The following RHOBTB2 variants were observed in gnomAD, a reference collection of about 807,000 sequenced individuals.
The protein encoded by RHOBTB2 is Rho related BTB domain containing 2.
Under a neutral mutation model 66.5 loss-of-function variants are expected in RHOBTB2, and 39 were observed. The ratio of observed to expected loss-of-function variants is 0.59; its 90% CI spans 0.45 to 0.77. The LOEUF is 0.77. Ranked by LOEUF, RHOBTB2 falls within the 30% of genes least tolerant of loss-of-function variation. The probability of loss-of-function intolerance (pLI) is 0.00; values close to 1 mark genes in which losing one functional copy is unlikely to be tolerated. For synonymous variants in RHOBTB2, 390 were observed against 395.0 expected (o/e 0.99, Z 0.15); for missense variants, 755 against 999.1 (o/e 0.76, Z 3.29).
chr8:22,970,618 A>T, the RHOBTB2 span, among the ~76,000 whole-genome samples: 11 of 144,682 alleles, frequency 7.6e-5, no homozygotes, highest in South Asian at 2.2e-4. Context: ...AAAAAAAAAA[A>T]TTTGATTTAT....
At chr8:22,994,474 C>T in intron 2 of RHOBTB2, 1 of 789,446 alleles carries the variant, frequency 1.3e-6, no homozygotes, top group Non-Finnish European at 2.1e-6. Flanking sequence ...GGCTGAGCGA[C>T]CTTGGAGTAA....
chr8:22,963,271 A>T, the RHOBTB2 span, among the ~76,000 whole-genome samples: 1 of 152,256 alleles, frequency 6.6e-6, no homozygotes, highest in Non-Finnish European at 1.5e-5. Flanking sequence ...ACATCAATAC[A>T]AAAGCAGCTA....
chr8:23,005,570 G>A, intron 3 of RHOBTB2, 95 bp downstream of exon 3: 1 of 880,602 alleles, frequency 1.1e-6, no homozygotes, highest in East Asian at 2.6e-5. Flanking sequence ...ATTTCAGCTG[G>A]CAAGAAGAAG....
chr8:22,989,435 T>C (rs945597718), intron 1 of RHOBTB2, among the ~76,000 whole-genome samples: 2 of 152,232 alleles, frequency 1.3e-5, no homozygotes, highest in Non-Finnish European at 2.9e-5. Context: ...GCATAAGCCA[T>C]GCATCTGGCC....
At chr8:22,964,978 G>T in the RHOBTB2 span, among the ~76,000 whole-genome samples, 2 of 151,824 alleles carry the variant, frequency 1.3e-5, no homozygotes, top group African/African-American at 4.8e-5. Context: ...CACCACGCCA[G>T]GCTAATTTTT....
At chr8:22,976,723 T>A in the RHOBTB2 span, among the ~76,000 whole-genome samples, 6 of 152,042 alleles carry the variant, frequency 3.9e-5, no homozygotes, top group African/African-American at 1.4e-4. Flanking sequence ...CCTCCCTAGT[T>A]CAAGTGATTC....
At chr8:22,994,397 G>GT (rs774174799) in intron 2 of RHOBTB2, among the ~76,000 whole-genome samples, 35 of 152,172 alleles carry the variant, frequency 2.3e-4, no homozygotes, top group Admixed American at 5.2e-4. Flanking sequence ...CCAGGCTGGG[G>GT]TCTCACCCCG....
In RHOBTB2 at chr8:23,008,022, A is replaced by G. The variant is rs984940174; in HGVS notation, c.1531A>G (p.Ile511Val). 1.2e-6 allele frequency: 2 copies of G among 1,613,946 alleles called. No homozygotes were observed. Among genetic ancestry groups the G allele is most frequent in the South Asian group, 2.2e-5 (2 of 91,078 alleles). ...GACCTTCATCCTGGATGATGGCACC[A>G]TCAGCGCCCACAAGCCCCTGTTGAT... Reference protein sequence around the residue: ...DVTFILDDGTISAHKPLLISS... With the variant: ...DVTFILDDGTVSAHKPLLISS... The change falls in exon 6 of 10, where the codon ATC becomes GTC. Residue 511 changes from isoleucine to valine, a missense_variant. Around this residue, in one of 7 missense-constraint regions of RHOBTB2, gnomAD observed 353 missense variants for 458.2 expected, o/e 0.77. Coordinates refer to ENST00000251822, the MANE Select transcript of RHOBTB2 (RefSeq NM_015178.3).
At chr8:22,965,441 A>G in the RHOBTB2 span, among the ~76,000 whole-genome samples, 1 of 152,212 alleles carries the variant, frequency 6.6e-6, no homozygotes, top group Non-Finnish European at 1.5e-5. Context: ...TGTAAAATTC[A>G]TATAGAATCT....
chr8:23,007,869 G>C, intron 5 of RHOBTB2, 123 bp downstream of exon 5: 7 of 1,497,438 alleles, frequency 4.7e-6, no homozygotes, highest in Non-Finnish European at 6.4e-6. Context: ...GTTTTCCCCA[G>C]CTGGGAGCGG....
chr8:22,998,508 C>T (rs987489843), upstream of RHOBTB2, among the ~76,000 whole-genome samples: 7 of 152,076 alleles, frequency 4.6e-5, no homozygotes, highest in African/African-American at 1.7e-4. Context: ...CCAAGGCAGG[C>T]AGATCACCCG....
chr8:23,012,129 A>G (rs1301630805), intron 7 of RHOBTB2, among the ~76,000 whole-genome samples: 3 of 152,208 alleles, frequency 2.0e-5, no homozygotes, highest in Non-Finnish European at 4.4e-5. Context: ...AAATGGTGTG[A>G]TCTTCCCAGA....
chr8:23,013,768 G>A (rs941489112), intron 7 of RHOBTB2, among the ~76,000 whole-genome samples: 1 of 152,136 alleles, frequency 6.6e-6, no homozygotes, highest in African/African-American at 2.4e-5. Context: ...AGTGCTGGGA[G>A]TATAGGCGTG....
At chr8:22,991,266 C>G (rs1810418575) in intron 1 of RHOBTB2, among the ~76,000 whole-genome samples, 2 of 152,184 alleles carry the variant, frequency 1.3e-5, no homozygotes, top group Admixed American at 6.5e-5. Flanking sequence ...AGGGCCCATC[C>G]AGCCTTGTAT....
upstream of RHOBTB2, among the ~76,000 whole-genome samples, chr8:22,995,268 A>G (rs2128798499): frequency 6.6e-6 from 1 of 152,248 alleles, no homozygotes; most frequent in African/African-American, 2.4e-5. Context: ...CTGGCCTGTG[A>G]GCAGGAACCT....
intron 1 of RHOBTB2, among the ~76,000 whole-genome samples, chr8:23,003,384 GGCAA>G (rs1364655796): frequency 6.6e-6 from 1 of 152,238 alleles, no homozygotes; most frequent in Admixed American, 6.5e-5. Context: ...AGGCAACTGA[GGCAA>G]GCATTTGCCC....
the RHOBTB2 span, among the ~76,000 whole-genome samples, chr8:22,978,560 A>T: frequency 6.6e-6 from 1 of 150,636 alleles, no homozygotes; most frequent in Non-Finnish European, 1.5e-5. Flanking sequence ...GGAGAATATC[A>T]GTATTTATTG....
upstream of RHOBTB2, among the ~76,000 whole-genome samples, chr8:22,998,472 G>A (rs1253903084): frequency 4.6e-5 from 7 of 152,068 alleles, no homozygotes; most frequent in Non-Finnish European, 8.8e-5. Flanking sequence ...GGTGGCTCAC[G>A]CCTGTAATCC....
In RHOBTB2 at chr8:23,018,718, T is replaced by G. The variant is rs1219326801; in HGVS notation, c.*1249T>G. On this transcript the variant is annotated 3_prime_UTR_variant, in exon 10 of 10. Coordinates refer to ENST00000251822, the MANE Select transcript of RHOBTB2 (RefSeq NM_015178.3). ...TTTTGCCCATCTGGAGACTGCAGGCTCCCTTCCTTACCCTCAGAGAGTGCT... is the reference window on the plus strand; with the variant it reads ...TTTTGCCCATCTGGAGACTGCAGGCGCCCTTCCTTACCCTCAGAGAGTGCT... The G allele has an allele frequency of 6.6e-6, 1 of 152,246 alleles. No homozygotes were observed. The highest frequency in any genetic ancestry group is 1.5e-5 in the Non-Finnish European group (1 of 68,092). 9.4% of individuals were successfully genotyped at this position (152,246 alleles called of 1,614,324 possible). A position where few individuals can be genotyped will look rare whatever the true frequency, so the allele number is the denominator to read the frequency against.
Sources: gnomAD v4.1 joint callset for allele counts (sites outside exome capture counted in the v4.1 genomes callset) on GRCh38, gnomAD v4.1.1 for gene constraint, gnomAD v4.1.1 regional missense constraint, MANE v1.5 for transcripts, NCBI Gene and HGNC (gene_info 2026-07-23, HGNC 2026-07-21) for gene names.